Variants in FGFR2 observed in about 807,000 individuals in gnomAD.
FGFR2 encodes the protein BEK fibroblast growth factor receptor.
Under a neutral mutation model 95.9 loss-of-function variants are expected in FGFR2, and 19 were observed. The ratio of observed to expected loss-of-function variants is 0.20; its 90% confidence interval spans 0.14 to 0.29. FGFR2 has a LOEUF of 0.29. Ranked by LOEUF, FGFR2 falls within the 10% of genes least tolerant of loss-of-function variation. FGFR2 has a pLI of 1.00. For synonymous variants in FGFR2, 392 were observed against 393.3 expected (o/e 1.00, Z 0.04); for missense variants, 707 against 1,056.9 (o/e 0.67, Z 4.59).
In FGFR2 at chr10:121,479,848, C is replaced by T. The variant is rs1844442058; in HGVS notation, c.*9G>A. ...GCTGTCCTGTTTGGGGACAGGCAGA[C>T]ACAGTCATTCATGTTTTAACACTGC... On this transcript the variant is annotated 3_prime_UTR_variant, in exon 18 of 18. Coordinates refer to ENST00000358487, the MANE Select transcript of FGFR2 (RefSeq NM_000141.5). 1.9e-6 allele frequency: 3 copies of T among 1,614,148 alleles called. No homozygotes were observed. Among genetic ancestry groups the T allele is most frequent in the East Asian group, 4.5e-5 (2 of 44,882 alleles).
At chr10:121,543,047 T>A (rs538940507) in intron 5 of FGFR2, among the ~76,000 whole-genome samples, 2 of 152,316 alleles carry the variant, frequency 1.3e-5, no homozygotes, top group South Asian at 4.1e-4. Context: ...CTGTGCCAGG[T>A]AGAACGCTGT....
At chr10:121,571,332 G>A (rs1173843792) in intron 2 of FGFR2, among the ~76,000 whole-genome samples, 3 of 80,254 alleles carry the variant, frequency 3.7e-5, no homozygotes, top group Admixed American at 2.0e-4. Flanking sequence ...ACGGAGTCTC[G>A]CTCTCTCCCA....
intron 4 of FGFR2, among the ~76,000 whole-genome samples, chr10:121,558,915 T>G (rs1856561057): frequency 6.6e-6 from 1 of 151,962 alleles, no homozygotes; most frequent in Non-Finnish European, 1.5e-5. Context: ...TTTTTGCCAT[T>G]GTATTTGGCA....
chr10:121,545,955 C>T lies in FGFR2; in HGVS notation c.624+5335G>A, dbSNP rs148237063. ...GGCTTCTGTGCCAATTTCACAGTCACGTTGAATGAGCCCTCTGTCCTGCGA... is the reference window on the plus strand; with the variant it reads ...GGCTTCTGTGCCAATTTCACAGTCATGTTGAATGAGCCCTCTGTCCTGCGA... On this transcript the variant is annotated intron_variant, in intron 5 of 17. Transcript: ENST00000358487. Among the ~76,000 whole-genome samples, 689 of 152,208 alleles carry T rather than the reference C, an allele frequency of 4.5e-3. 5 individuals are homozygous for T. The highest frequency in any genetic ancestry group is 0.015 in the African/African-American group (642 of 41,518).
At chr10:121,499,159 C>G (rs1372678902) in intron 11 of FGFR2, among the ~76,000 whole-genome samples, 1 of 152,150 alleles carries the variant, frequency 6.6e-6, no homozygotes, top group Admixed American at 6.5e-5. Context: ...TCAGAGGGCA[C>G]TGCAGTTCCC....
chr10:121,485,503 A>T lies in FGFR2; in HGVS notation c.2087T>A (p.Ile696Asn). 1 of 1,613,978 alleles carries T rather than the reference A, an allele frequency of 6.2e-7. No individual in the cohort carries two copies. The highest frequency in any genetic ancestry group is 8.5e-7 in the Non-Finnish European group (1 of 1,180,014). ...VWSFGVLMWE[I>N]FTLGGSPYPG... Reference sequence around the variant, plus strand: ...GTAGGGCGAGCCCCCTAAAGTGAAGATCTCCCACATTAACACCCCGAAGGA... The same window carrying T: ...GTAGGGCGAGCCCCCTAAAGTGAAGTTCTCCCACATTAACACCCCGAAGGA... The change falls in exon 16 of 18, where the codon ATC becomes AAC. Residue 696 changes from isoleucine (I) to asparagine (N), a missense_variant. Ile to Asn is a moderately radical substitution (Grantham distance 149). Around this residue, in one of 7 missense-constraint regions of FGFR2, gnomAD observed 104 missense variants for 214.2 expected, o/e 0.49. Coordinates refer to ENST00000358487, the MANE Select transcript of FGFR2 (RefSeq NM_000141.5). The surrounding 1 kb of genome is among the most constrained non-coding windows in gnomAD (Gnocchi z 4.2).
chr10:121,552,246 CAAAGT>C (rs1044367225), intron 4 of FGFR2, among the ~76,000 whole-genome samples: 23 of 152,210 alleles, frequency 1.5e-4, no homozygotes, highest in African/African-American at 4.1e-4. Context: ...TTTTAAATCA[CAAAGT>C]AAAGTATATT....
In FGFR2 at chr10:121,518,543, G is replaced by A. The variant is rs1310452811; in HGVS notation, c.940-1080C>T. On this transcript the variant is annotated intron_variant, in intron 7 of 17. Transcript: ENST00000358487. The surrounding 1 kb of genome is among the most constrained non-coding windows in gnomAD (Gnocchi z 4.0). ...CTGGCATCATACCAGCTGCATCACC[G>A]AAGAAAGATTATTATAAATATACCA... 1.9e-5 allele frequency: 18 copies of A among 957,010 alleles called. No homozygotes were observed. Among genetic ancestry groups the A allele is most frequent in the Non-Finnish European group, 2.5e-5 (16 of 650,820 alleles). 59.3% of individuals were successfully genotyped at this position (957,010 alleles called of 1,614,324 possible).
At chr10:121,540,911 T>C (rs1009557601) in intron 5 of FGFR2, among the ~76,000 whole-genome samples, 2 of 152,160 alleles carry the variant, frequency 1.3e-5, no homozygotes, top group African/African-American at 4.8e-5. Context: ...GAACCTGAAC[T>C]GCACAGGGAG....
intron 2 of FGFR2, among the ~76,000 whole-genome samples, chr10:121,590,319 A>G (rs1862448486): frequency 6.6e-6 from 1 of 152,184 alleles, no homozygotes; most frequent in Admixed American, 6.5e-5. Context: ...GTAGGTGACA[A>G]TGTCAGGAAG....
intron 6 of FGFR2, among the ~76,000 whole-genome samples, chr10:121,525,624 G>GGAGGGAGAGA (rs943550375): frequency 6.7e-6 from 1 of 149,256 alleles, no homozygotes; most frequent in African/African-American, 2.5e-5. Context: ...CATTATTGAG[G>GGAGGGAGAGA]GAGAGAGAGA....
chr10:121,551,370 C>A lies in FGFR2; in HGVS notation c.544G>T (p.Gly182Trp), dbSNP rs200766273. 6.2e-6 allele frequency: 10 copies of A among 1,614,212 alleles called. No individual in the cohort carries two copies. In the Admixed American group the frequency reaches 1.0e-4, roughly 16 times the overall value. Reference sequence around the variant, plus strand: ...CGCATGGTTGGCATTGGGTTCCCCCCGGCTGGGCAGCGAAACTTGACAGTG... The same window carrying A: ...CGCATGGTTGGCATTGGGTTCCCCCAGGCTGGGCAGCGAAACTTGACAGTG... The part of the protein sequence containing the change: ...ANTVKFRCPA[G>W]GNPMPTMRWL... Residue 182 changes from glycine to tryptophan, a missense_variant, in exon 5 of 18, where the codon GGG becomes TGG. By Grantham distance (184) the Gly-to-Trp change is radical. Coordinates refer to ENST00000358487, the MANE Select transcript of FGFR2 (RefSeq NM_000141.5).
intron 7 of FGFR2, among the ~76,000 whole-genome samples, chr10:121,519,058 G>A (rs1485947810): frequency 5.9e-5 from 9 of 152,234 alleles, no homozygotes; most frequent in Non-Finnish European, 1.5e-5. Context: ...GATAGGTCGG[G>A]TGGGTCCCCA....
At chr10:121,505,411 A>G (rs996334006) in intron 9 of FGFR2, among the ~76,000 whole-genome samples, 1 of 152,204 alleles carries the variant, frequency 6.6e-6, no homozygotes, top group African/African-American at 2.4e-5. Context: ...ATCTTTTGGC[A>G]GGGGGCAGTT....
At chr10:121,502,244 A>C (rs1051408459) in intron 10 of FGFR2, among the ~76,000 whole-genome samples, 2 of 152,314 alleles carry the variant, frequency 1.3e-5, no homozygotes, top group South Asian at 4.1e-4. Context: ...TCACACACAA[A>C]CTAGGGCTGG....
intron 2 of FGFR2, among the ~76,000 whole-genome samples, chr10:121,580,942 C>T (rs1215493138): frequency 2.0e-5 from 3 of 152,134 alleles, no homozygotes; most frequent in Non-Finnish European, 4.4e-5. Context: ...TGTAGGCTTT[C>T]TGGGACAGGG....
rs1023685692 is a variant in FGFR2, at chr10:121,590,786, T to C, written c.109+2923A>G. Among the ~76,000 whole-genome samples, 3 of 152,234 alleles carry C rather than the reference T, an allele frequency of 2.0e-5. No homozygotes were observed. In the East Asian group the frequency reaches 5.8e-4, roughly 29 times the overall value. ...GGCCCAGGCTTCTTCCTGGAACTTCTCAGTCACATTTTTCTCCTATCCAAT... is the reference window on the plus strand; with the variant it reads ...GGCCCAGGCTTCTTCCTGGAACTTCCCAGTCACATTTTTCTCCTATCCAAT... On this transcript the variant is annotated intron_variant, in intron 2 of 17. Coordinates refer to ENST00000358487, the MANE Select transcript of FGFR2 (RefSeq NM_000141.5).
chr10:121,519,353 AATAAGGAGGGAAAGAT>A (rs562522445), intron 7 of FGFR2, among the ~76,000 whole-genome samples: 34 of 152,286 alleles, frequency 2.2e-4, no homozygotes, highest in East Asian at 1.7e-3. Flanking sequence ...GCAAATAAGA[AATAAGGAGGGAAAGAT>A]ATTTTCCTTG....
At chr10:121,557,025 G>T (rs1395240650) in intron 4 of FGFR2, among the ~76,000 whole-genome samples, 1 of 152,128 alleles carries the variant, frequency 6.6e-6, no homozygotes, top group Admixed American at 6.5e-5. Flanking sequence ...GATTATGAGG[G>T]GGTATGTCTG....
Sources: allele counts gnomAD v4.1 joint callset (sites outside exome capture counted in the v4.1 genomes callset), GRCh38; gene constraint gnomAD v4.1.1; regional missense constraint gnomAD v4.1.1; non-coding constraint Gnocchi (gnomAD v3.1); transcripts MANE v1.5; gene names NCBI Gene and HGNC (gene_info 2026-07-23, HGNC 2026-07-21).